The following DAB1 variants were observed in gnomAD, a reference collection of about 807,000 sequenced individuals.
DAB1 encodes DAB adaptor protein 1, also known as disabled homolog 1.
In DAB1, 15 loss-of-function variants were observed where a neutral mutation model predicts 64.6. That is an observed-to-expected ratio of 0.23 (90% CI 0.16 to 0.36). The LOEUF is 0.36. Ranked by LOEUF, DAB1 falls within the 10% of genes least tolerant of loss-of-function variation. DAB1 has a pLI of 1.00. For missense variants in DAB1, 596 were observed against 706.7 expected (o/e 0.84, Z 1.78); for synonymous variants, 235 against 251.9 (o/e 0.93, Z 0.64).
chr1:58,437,754 C>T (rs926199169), intron 3 of DAB1, among the ~76,000 whole-genome samples: 3 of 152,322 alleles, frequency 2.0e-5, no homozygotes, highest in East Asian at 3.9e-4. Flanking sequence ...GTGGGCCTGC[C>T]GCACCCTAAC....
At chr1:58,381,326 G>T (rs1409246639) in intron 3 of DAB1, among the ~76,000 whole-genome samples, 1 of 152,096 alleles carries the variant, frequency 6.6e-6, no homozygotes, top group Non-Finnish European at 1.5e-5. Context: ...AAAAAAAGAT[G>T]GGAGAAGTAG....
intron 4 of DAB1, among the ~76,000 whole-genome samples, chr1:58,231,544 T>C (rs1659772888): frequency 6.6e-6 from 1 of 152,168 alleles, no homozygotes; most frequent in Non-Finnish European, 1.5e-5. Context: ...AACATGCTGA[T>C]GGACAGGCCA....
chr1:58,485,695 TATCTTC>T (rs1252341781), intron 3 of DAB1, among the ~76,000 whole-genome samples: 1 of 152,162 alleles, frequency 6.6e-6, no homozygotes, highest in Non-Finnish European at 1.5e-5. Flanking sequence ...TTATTAAATA[TATCTTC>T]ATCTCTTCAA....
At chr1:58,309,326 T>C (rs1055506522) in intron 4 of DAB1, among the ~76,000 whole-genome samples, 2 of 152,134 alleles carry the variant, frequency 1.3e-5, no homozygotes, top group African/African-American at 4.8e-5. Context: ...ATTTAGCATA[T>C]TACCCTTCCC....
chr1:57,356,216 T>C (rs1679089966), intron 1 of DAB1, among the ~76,000 whole-genome samples: 1 of 152,068 alleles, frequency 6.6e-6, no homozygotes, highest in South Asian at 2.1e-4. Flanking sequence ...AGCTCCCTGC[T>C]CCTTTTCAAA....
At chr1:57,910,970 G>T (rs1358713563) in intron 5 of DAB1, among the ~76,000 whole-genome samples, 1 of 152,172 alleles carries the variant, frequency 6.6e-6, no homozygotes, top group Non-Finnish European at 1.5e-5. Flanking sequence ...ATGAAAGAAG[G>T]AATGTAGAAC....
At position 57,136,545 on chromosome 1, in the gene DAB1, C is replaced by T. The variant is rs1407658882; in HGVS notation, c.304G>A (p.Gly102Arg). ...GGIKIFDEKT[G>R]ALQHHHAVHE... is the part of the protein sequence containing the mutation. Reference sequence around the variant, plus strand: ...TGCCATGTGATTGCTTTACTTACCCCTGTCTTCTCATCAAAGATTTTGATT... The same window carrying T: ...TGCCATGTGATTGCTTTACTTACCCTTGTCTTCTCATCAAAGATTTTGATT... Residue 102 changes from glycine to arginine, a missense_variant and splice_region_variant, in exon 4 of 15, where the codon GGG becomes AGG. Transcript: ENST00000371236. The T allele has an allele frequency of 1.3e-6, 2 of 1,487,414 alleles. No individual in the cohort carries two copies. The highest frequency in any genetic ancestry group is 1.4e-5 in the African/African-American group (1 of 72,112). 92.1% of individuals were successfully genotyped at this position (1,487,414 alleles called of 1,614,324 possible). A position where few individuals can be genotyped will look rare whatever the true frequency, so the allele number is the denominator to read the frequency against.
chr1:57,062,422 G>C (rs1223486613), intron 9 of DAB1, among the ~76,000 whole-genome samples: 2 of 152,164 alleles, frequency 1.3e-5, no homozygotes, highest in African/African-American at 4.8e-5. Context: ...CACTTGAGCA[G>C]GTCACTGAGC....
At chr1:58,483,032 A>G (rs1293807325) in intron 3 of DAB1, among the ~76,000 whole-genome samples, 1 of 152,200 alleles carries the variant, frequency 6.6e-6, no homozygotes, top group Non-Finnish European at 1.5e-5. Context: ...AATCTGTTCT[A>G]TTCTCCTACT....
intron 7 of DAB1, among the ~76,000 whole-genome samples, chr1:57,432,754 T>C (rs1685562177): frequency 6.6e-6 from 1 of 152,216 alleles, no homozygotes. Flanking sequence ...TTTTTCACTT[T>C]CAACCAAAAT....
At chr1:57,423,218 G>A (rs1320915638) in intron 1 of DAB1, among the ~76,000 whole-genome samples, 1 of 151,390 alleles carries the variant, frequency 6.6e-6, no homozygotes, top group Admixed American at 6.6e-5. Context: ...AGAGAAGGAA[G>A]AGGGGCGGGC....
At chr1:57,177,044 T>C (rs1356788253) in intron 2 of DAB1, among the ~76,000 whole-genome samples, 1 of 149,664 alleles carries the variant, frequency 6.7e-6, no homozygotes, top group Non-Finnish European at 1.5e-5. Flanking sequence ...TTTGTAAATG[T>C]GTCCTCCCCT....
chr1:57,477,477 G>C (rs1351383773), intron 7 of DAB1, among the ~76,000 whole-genome samples: 1 of 152,086 alleles, frequency 6.6e-6, no homozygotes, highest in East Asian at 1.9e-4. Context: ...TATAAGTTTG[G>C]AAAACACTTA....
At chr1:57,815,896 C>A (rs763434442) in intron 6 of DAB1, among the ~76,000 whole-genome samples, 26 of 152,178 alleles carry the variant, frequency 1.7e-4, no homozygotes, top group Non-Finnish European at 2.9e-5. Flanking sequence ...GGAACATGAT[C>A]TTTTAATGTA....
At chr1:57,728,400 T>C (rs965210905) in intron 6 of DAB1, among the ~76,000 whole-genome samples, 1 of 152,154 alleles carries the variant, frequency 6.6e-6, no homozygotes, top group African/African-American at 2.4e-5. Flanking sequence ...GAGACCATCC[T>C]GGCTAACACG....
At chr1:57,354,112 T>C (rs890075735) in intron 1 of DAB1, among the ~76,000 whole-genome samples, 8 of 152,030 alleles carry the variant, frequency 5.3e-5, no homozygotes, top group African/African-American at 1.9e-4. Context: ...TTTTTCACTC[T>C]GTTTTGATTT....
At chr1:57,407,205 G>T (rs1256376992) in intron 1 of DAB1, among the ~76,000 whole-genome samples, 1 of 152,164 alleles carries the variant, frequency 6.6e-6, no homozygotes, top group African/African-American at 2.4e-5. Context: ...GTAGGATTTG[G>T]AGTAAACAAA....
intron 2 of DAB1, among the ~76,000 whole-genome samples, chr1:58,518,042 T>A (rs957908912): frequency 1.3e-5 from 2 of 150,516 alleles, no homozygotes; most frequent in African/African-American, 2.4e-5. Flanking sequence ...CAAAATTAGC[T>A]AGGCATGGTG....
In DAB1 at chr1:57,553,910, G is replaced by A. The variant is rs538975614; in HGVS notation, n.625+95682C>T. Among the ~76,000 whole-genome samples, 80 of 152,184 alleles carry A rather than the reference G, an allele frequency of 5.3e-4. 1 individual carries two copies. Among genetic ancestry groups the A allele is most frequent in the Admixed American group, 5.0e-3 (77 of 15,286 alleles). On this transcript the variant is annotated intron_variant and non_coding_transcript_variant, in intron 7 of 20. Coordinates refer to the DAB1 transcript ENST00000485760. ...TGAAGTGTTTAGGGGAGGTTAACGG[G>A]AGGGGGCAATGTTAGGAATCTCAGC...
Sources: gnomAD v4.1 joint callset for allele counts (sites outside exome capture counted in the v4.1 genomes callset) on GRCh38, gnomAD v4.1.1 for gene constraint, MANE v1.5 for transcripts, NCBI Gene and HGNC (gene_info 2026-07-23, HGNC 2026-07-21) for gene names.